HLA-DPB1: variants seen among roughly 807,000 people sequenced by gnomAD.
HLA-DPB1 encodes HLA class II histocompatibility antigen, DP beta 1 chain.
In HLA-DPB1, 30 loss-of-function variants were observed where a neutral mutation model predicts 29.4. The ratio of observed to expected loss-of-function variants is 1.02; its 90% CI spans 0.76 to 1.38. The LOEUF is 1.38. HLA-DPB1 is among the 40% of genes most tolerant of loss of function. The pLI, the probability that HLA-DPB1 is intolerant of heterozygous loss-of-function variation, is 0.00. For missense variants in HLA-DPB1, 261 were observed against 327.5 expected, an observed-to-expected ratio of 0.80 and a Z score of 1.57; for synonymous variants, 114 against 134.0, an observed-to-expected ratio of 0.85 and a Z score of 1.03.
intron 2 of HLA-DPB1, 121 bp from the exon 3 acceptor site, chr6:33,084,821 AAGAAAGAG>A: frequency 1.5e-5 from 10 of 662,634 alleles, no homozygotes; most frequent in Non-Finnish European, 2.4e-5. Flanking sequence ...GAATGAAAGA[AAGAAAGAG>A]CGAGATTATG....
At chr6:33,079,188 G>A (rs1168022123) in intron 1 of HLA-DPB1, among the ~76,000 whole-genome samples, 3 of 152,246 alleles carry the variant, frequency 2.0e-5, no homozygotes, top group Non-Finnish European at 4.4e-5. Flanking sequence ...GCATGAAACA[G>A]ATGAGCAGAA....
chr6:33,081,253 G>A, intron 2 of HLA-DPB1: 1 of 362,026 alleles, frequency 2.8e-6, no homozygotes, highest in Non-Finnish European at 4.9e-6. Flanking sequence ...AGATGGAGGT[G>A]GAGATGGCAC....
In HLA-DPB1 at chr6:33,089,678, A is replaced by C. The variant is rs1763266058; in HGVS notation, c.*3144A>C. 6.6e-6 allele frequency among the ~76,000 whole-genome samples: 1 copy of C among 152,222 alleles called. No homozygotes were observed. The highest frequency in any genetic ancestry group is 6.5e-5 in the Admixed American group (1 of 15,282). ...AAGAAGTACACACTAAATAAATAAT[A>C]AAATACTTCTACAAGAGATATTTAT... On this transcript the variant is annotated 3_prime_UTR_variant, in exon 6 of 6. Coordinates refer to ENST00000418931, the MANE Select transcript of HLA-DPB1 (RefSeq NM_002121.6).
At position 33,089,045 on chromosome 6, in the gene HLA-DPB1, T is replaced by TTG. The variant is rs1763239474; in HGVS notation, c.*2513_*2514dup. On this transcript the variant is annotated 3_prime_UTR_variant, in exon 6 of 6. Coordinates refer to ENST00000418931, the MANE Select transcript of HLA-DPB1 (RefSeq NM_002121.6). ...AAGAAGAAATCATCTCACCCTCTCT[T>TTG]TGTCCCCATTTGTCAAGTAGCAGTG... Among the ~76,000 whole-genome samples, 1 of 151,988 alleles carries TTG rather than the reference T, an allele frequency of 6.6e-6. No individual in the cohort carries two copies.
In HLA-DPB1 at chr6:33,089,012, G is replaced by T. The variant is rs935029305; in HGVS notation, c.*2478G>T. ...ACACTGCCTCAGATGGTTATCAAGG[G>T]GTACCCTAAGAAGAAATCATCTCAC... On this transcript the variant is annotated 3_prime_UTR_variant, in exon 6 of 6. Transcript: ENST00000418931. 6.6e-6 allele frequency among the ~76,000 whole-genome samples: 1 copy of T among 152,018 alleles called. No homozygotes were observed. The highest frequency in any genetic ancestry group is 2.4e-5 in the African/African-American group (1 of 41,346).
chr6:33,081,204 A>G (rs1372405829), intron 2 of HLA-DPB1: 1 of 502,166 alleles, frequency 2.0e-6, no homozygotes, highest in African/African-American at 2.0e-5. Context: ...TGGGGTGAAA[A>G]AAGGAAGCCA....
rs761566912 is a variant in HLA-DPB1, at chr6:33,076,113, A to G, written c.72A>G (p.Thr24=). ...CGGCGTTACTGATGGTGCTGCTCACATCTGTGGTCCAGGGCAGGGCCACTC... is the reference window on the plus strand; with the variant it reads ...CGGCGTTACTGATGGTGCTGCTCACGTCTGTGGTCCAGGGCAGGGCCACTC... The part of the protein sequence containing the change: ...ALTALLMVLL[T]SVVQGRATPE... Residue 24 remains threonine, a synonymous_variant, in exon 1 of 6, where the codon ACA becomes ACG. Transcript: ENST00000418931. The G allele has an allele frequency of 6.8e-6, 11 of 1,611,724 alleles. No individual in the cohort carries two copies. The highest frequency in any genetic ancestry group is 1.6e-4 in the Middle Eastern group (1 of 6,062).
chr6:33,078,315 G>A (rs982180738), intron 1 of HLA-DPB1, among the ~76,000 whole-genome samples: 18 of 152,242 alleles, frequency 1.2e-4, no homozygotes, highest in African/African-American at 4.1e-4. Flanking sequence ...CCTGCTGGAG[G>A]GAGAGCTGGA....
In HLA-DPB1 at chr6:33,080,958, C is replaced by A. The variant is rs118134198; in HGVS notation, c.364+23C>A. On this transcript the variant is annotated intron_variant, in intron 2 of 5. Transcript: ENST00000418931. This position sits in a 1 kb window ranked among gnomAD's most constrained non-coding sequence, Gnocchi z 4.3. ...GAGGTGAGTGAGGGCTTTGGGCCGG[C>A]GGTCCCAGGGCAGCCCCGCGGGCCC... 2 of 1,557,488 alleles carry A rather than the reference C, an allele frequency of 1.3e-6. No individual in the cohort carries two copies. Among genetic ancestry groups the A allele is most frequent in the Non-Finnish European group, 1.7e-6 (2 of 1,154,540 alleles).
At chr6:33,076,501 G>T (rs895716287) in intron 1 of HLA-DPB1, among the ~76,000 whole-genome samples, 1 of 152,144 alleles carries the variant, frequency 6.6e-6, no homozygotes, top group Non-Finnish European at 1.5e-5. Context: ...AGCCTGGAGG[G>T]GACTCAGGCA....
chr6:33,080,339 C>T lies in HLA-DPB1; in HGVS notation c.101-333C>T. ...CCAGCTCCTCCCGCCCCTGTTTTTT[C>T]TCCCAGTGACCCCACGTGAAACGTC... On this transcript the variant is annotated intron_variant, in intron 1 of 5. Coordinates refer to ENST00000418931, the MANE Select transcript of HLA-DPB1 (RefSeq NM_002121.6). The surrounding 1 kb of genome is among the most constrained non-coding windows in gnomAD (Gnocchi z 4.3). 2 of 507,114 alleles carry T rather than the reference C, an allele frequency of 3.9e-6. No individual in the cohort carries two copies. Among genetic ancestry groups the T allele is most frequent in the Admixed American group, 2.6e-5 (1 of 38,456 alleles). The allele number at this position is 507,114 out of a possible 1,614,324, so 31.4% of individuals were successfully genotyped here.
At chr6:33,081,554 G>A (rs1404626668) in intron 2 of HLA-DPB1, among the ~76,000 whole-genome samples, 2 of 152,144 alleles carry the variant, frequency 1.3e-5, no homozygotes, top group Non-Finnish European at 2.9e-5. Flanking sequence ...GAAGCTGAGG[G>A]GAGGTGACCT....
At chr6:33,085,300 T>G in intron 3 of HLA-DPB1, 69 bp downstream of exon 3, 1 of 1,331,094 alleles carries the variant, frequency 7.5e-7, no homozygotes, top group South Asian at 1.4e-5. Context: ...TGGGGTCCAC[T>G]CATCTTATCT....
chr6:33,078,539 G>A (rs1353800353), intron 1 of HLA-DPB1, among the ~76,000 whole-genome samples: 5 of 152,068 alleles, frequency 3.3e-5, no homozygotes, highest in Admixed American at 1.3e-4. Context: ...AATAAGAGAC[G>A]AATTCATTCA....
At chr6:33,077,848 C>T (rs550646509) in intron 1 of HLA-DPB1, among the ~76,000 whole-genome samples, 2 of 152,216 alleles carry the variant, frequency 1.3e-5, no homozygotes, top group Non-Finnish European at 2.9e-5. Flanking sequence ...CTGAATACAG[C>T]CCCTCAAGCC....
At position 33,080,761 on chromosome 6, in the gene HLA-DPB1, T is replaced by C. The variant is rs9277348; in HGVS notation, c.190T>C (p.Phe64Leu). The C allele has an allele frequency of 0.039, 63,022 of 1,613,216 alleles. 5,809 individuals carry two copies. In the East Asian group the frequency reaches 0.47, roughly 12 times the overall value. ...GAGATACATCTACAACCGGGAGGAGTTCGCGCGCTTCGACAGCGACGTGGG... is the reference window on the plus strand; with the variant it reads ...GAGATACATCTACAACCGGGAGGAGCTCGCGCGCTTCGACAGCGACGTGGG... ...LERYIYNREE[F>L]ARFDSDVGEF... is the part of the protein sequence containing the mutation. The change falls in exon 2 of 6, where the codon TTC (phenylalanine) becomes CTC (leucine). Residue 64 changes from phenylalanine to leucine, a missense_variant. Physicochemically the swap from Phe to Leu is conservative, Grantham distance 22. Transcript: ENST00000418931. The surrounding 1 kb of genome is among the most constrained non-coding windows in gnomAD (Gnocchi z 4.3).
intron 1 of HLA-DPB1, among the ~76,000 whole-genome samples, chr6:33,076,780 A>G (rs935822358): frequency 3.6e-4 from 55 of 152,012 alleles, no homozygotes; most frequent in Non-Finnish European, 7.2e-4. Context: ...CATGACAGGG[A>G]TTGAGTGTAG....
At position 33,088,306 on chromosome 6, in the gene HLA-DPB1, C is replaced by T. The variant is rs1444830353; in HGVS notation, c.*1772C>T. The stretch of plus-strand genomic sequence containing the variant: ...AACCATATCCAGTCAGAGTCATTCT[C>T]TTTCCTGCTTGTCTCCTGTACTCAT... On this transcript the variant is annotated 3_prime_UTR_variant, in exon 6 of 6. Transcript: ENST00000418931. Among the ~76,000 whole-genome samples the T allele has an allele frequency of 6.6e-6, 1 of 152,190 alleles. No individual in the cohort carries two copies. The highest frequency in any genetic ancestry group is 1.5e-5 in the Non-Finnish European group (1 of 68,030).
rs77062860 is a variant in HLA-DPB1 at position 33,080,773 on chromosome 6, G to C, written c.202G>C (p.Asp68His). 2 of 1,613,554 alleles carry C rather than the reference G, an allele frequency of 1.2e-6. No homozygotes were observed. The highest frequency in any genetic ancestry group is 1.7e-6 in the Non-Finnish European group (2 of 1,179,822). ...IYNREEFARF[D>H]SDVGEFRAVT... is the part of the protein sequence containing the mutation. ...CAACCGGGAGGAGTTCGCGCGCTTC[G>C]ACAGCGACGTGGGGGAGTTCCGGGC... Residue 68 changes from aspartate to histidine, a missense_variant, in exon 2 of 6, where the codon GAC (aspartate) becomes CAC (histidine). Asp to His is a moderately conservative substitution (Grantham distance 81). Transcript: ENST00000418931. The surrounding 1 kb of genome is among the most constrained non-coding windows in gnomAD (Gnocchi z 4.3).
Sources: allele counts gnomAD v4.1 joint callset (sites outside exome capture counted in the v4.1 genomes callset), GRCh38; gene constraint gnomAD v4.1.1; non-coding constraint Gnocchi (gnomAD v3.1); transcripts MANE v1.5; gene names NCBI Gene and HGNC (gene_info 2026-07-23, HGNC 2026-07-21).